The following MGAT4C variants were observed in gnomAD, a reference collection of about 807,000 sequenced individuals.
MGAT4C encodes MGAT4 family member C, also known as alpha-1,3-mannosyl-glycoprotein 4-beta-N-acetylglucosaminyltransferase C.
A neutral mutation model predicts 40.1 loss-of-function variants in MGAT4C; 19 were observed. The observed-to-expected ratio is 0.47, with a 90% confidence interval of 0.33 to 0.70. MGAT4C has a LOEUF of 0.70. Ranked by LOEUF, MGAT4C falls within the 30% of genes least tolerant of loss-of-function variation. The pLI is 0.02. For synonymous variants in MGAT4C, 181 were observed against 187.1 expected (o/e 0.97, Z 0.27); for missense variants, 491 against 563.2 (o/e 0.87, Z 1.30).
chr12:86,388,223 T>C (rs1956095306), intron 3 of MGAT4C, among the ~76,000 whole-genome samples: 1 of 152,120 alleles, frequency 6.6e-6, no homozygotes, highest in Non-Finnish European at 1.5e-5. Flanking sequence ...CAGTGTTATT[T>C]AGGAGTTTGT....
chr12:86,029,361 G>A (rs1284188236), intron 2 of MGAT4C, among the ~76,000 whole-genome samples: 2 of 151,896 alleles, frequency 1.3e-5, no homozygotes, highest in Non-Finnish European at 2.9e-5. Context: ...AAAGGTTGCT[G>A]ATAAAATACT....
At chr12:86,128,576 C>T (rs1401300266) in intron 1 of MGAT4C, among the ~76,000 whole-genome samples, 2 of 152,100 alleles carry the variant, frequency 1.3e-5, no homozygotes, top group Admixed American at 1.3e-4. Flanking sequence ...ATGTCTTTAT[C>T]ACCAGTGAGA....
chr12:86,651,581 A>T (rs1422017570), intron 2 of MGAT4C, among the ~76,000 whole-genome samples: 3 of 151,904 alleles, frequency 2.0e-5, no homozygotes, highest in Admixed American at 2.0e-4. Flanking sequence ...AAAAAATAAA[A>T]TTCTGCTATG....
intron 1 of MGAT4C, among the ~76,000 whole-genome samples, chr12:86,756,237 G>C (rs1000679291): frequency 6.6e-6 from 1 of 151,990 alleles, no homozygotes; most frequent in African/African-American, 2.4e-5. Flanking sequence ...TGTTCAAAAG[G>C]TTTTTCCTTG....
At chr12:86,633,902 A>G (rs964093128) in intron 2 of MGAT4C, among the ~76,000 whole-genome samples, 3 of 151,778 alleles carry the variant, frequency 2.0e-5, no homozygotes, top group African/African-American at 7.3e-5. Context: ...AAATTACTTT[A>G]TTTTGCTCGA....
At chr12:86,565,735 T>C (rs1382595981) in intron 2 of MGAT4C, among the ~76,000 whole-genome samples, 1 of 152,220 alleles carries the variant, frequency 6.6e-6, no homozygotes, top group East Asian at 1.9e-4. Flanking sequence ...TTGTATCCCA[T>C]GTGAGTGCTC....
chr12:86,656,801 A>G (rs1963861946), intron 2 of MGAT4C, among the ~76,000 whole-genome samples: 1 of 151,988 alleles, frequency 6.6e-6, no homozygotes, highest in Non-Finnish European at 1.5e-5. Flanking sequence ...GAAATCTGAT[A>G]CCTGAGAATT....
At chr12:86,757,904 G>A (rs1471690244) in intron 1 of MGAT4C, among the ~76,000 whole-genome samples, 1 of 152,042 alleles carries the variant, frequency 6.6e-6, no homozygotes, top group Non-Finnish European at 1.5e-5. Flanking sequence ...TCCTCTCTGG[G>A]TCACATCTGG....
chr12:86,387,487 T>C (rs1469335322), intron 3 of MGAT4C, among the ~76,000 whole-genome samples: 4 of 152,140 alleles, frequency 2.6e-5, no homozygotes, highest in Admixed American at 6.5e-5. Context: ...TATGGAAATA[T>C]ATATGCTTGG....
At chr12:86,601,716 T>C (rs1961789211) in intron 2 of MGAT4C, among the ~76,000 whole-genome samples, 1 of 152,084 alleles carries the variant, frequency 6.6e-6, no homozygotes, top group South Asian at 2.1e-4. Context: ...TCACACCCTT[T>C]GCCAGCGGCC....
chr12:85,967,511 T>C lies in MGAT4C; in HGVS notation c.*11778A>G, dbSNP rs973543839. Reference sequence around the variant, plus strand: ...AATTAGTTTTCCAGAAAATCTAATTTTATGCAGATAAAATCTGAAAATCAT... The same window carrying C: ...AATTAGTTTTCCAGAAAATCTAATTCTATGCAGATAAAATCTGAAAATCAT... On this transcript the variant is annotated 3_prime_UTR_variant, in exon 5 of 5. Coordinates refer to ENST00000611864, the MANE Select transcript of MGAT4C (RefSeq NM_001351288.2). 3.9e-5 allele frequency: 6 copies of C among 152,098 alleles called. No individual in the cohort carries two copies. Among genetic ancestry groups the C allele is most frequent in the African/African-American group, 1.4e-4 (6 of 41,446 alleles). The allele number at this position is 152,098 out of a possible 1,614,324, so 9.4% of individuals were successfully genotyped here.
At chr12:86,139,971 T>C (rs1698757) in intron 1 of MGAT4C, among the ~76,000 whole-genome samples, 121,769 of 152,170 alleles carry the variant, frequency 0.8, 49,296 homozygotes, top group East Asian at 1. Flanking sequence ...GGTTTCTCAA[T>C]GATCCTAAAA....
chr12:85,984,550 G>T (rs942028949), intron 3 of MGAT4C, among the ~76,000 whole-genome samples: 24 of 151,938 alleles, frequency 1.6e-4, no homozygotes, highest in African/African-American at 5.6e-4. Context: ...CCCACTAATT[G>T]CCCTTCTTTG....
intron 3 of MGAT4C, among the ~76,000 whole-genome samples, chr12:86,401,539 A>T (rs962625928): frequency 6.6e-6 from 1 of 152,116 alleles, no homozygotes; most frequent in East Asian, 1.9e-4. Flanking sequence ...AATTTTGTCA[A>T]ATTAGACAAA....
chr12:86,594,290 G>A (rs1237486287), intron 2 of MGAT4C, among the ~76,000 whole-genome samples: 2 of 152,084 alleles, frequency 1.3e-5, no homozygotes, highest in African/African-American at 2.4e-5. Flanking sequence ...TATCAGTCTG[G>A]AGTGCAATTT....
At chr12:86,483,092 A>G (rs1957962435) in intron 2 of MGAT4C, among the ~76,000 whole-genome samples, 1 of 152,190 alleles carries the variant, frequency 6.6e-6, no homozygotes, top group African/African-American at 2.4e-5. Context: ...GAGAAGTTCA[A>G]TATCGAGGAT....
intron 2 of MGAT4C, among the ~76,000 whole-genome samples, chr12:86,559,145 T>C (rs1331688488): frequency 1.3e-5 from 2 of 151,904 alleles, no homozygotes; most frequent in African/African-American, 4.8e-5. Context: ...TAGAATATAA[T>C]ACTGGAGCAC....
chr12:86,550,461 C>G (rs955716653), intron 2 of MGAT4C, among the ~76,000 whole-genome samples: 1 of 152,182 alleles, frequency 6.6e-6, no homozygotes, highest in African/African-American at 2.4e-5. Context: ...ACAATCTCCA[C>G]CCTTCATCTA....
At chr12:86,581,573 A>G (rs1270583575) in intron 2 of MGAT4C, among the ~76,000 whole-genome samples, 2 of 151,466 alleles carry the variant, frequency 1.3e-5, no homozygotes, top group African/African-American at 4.8e-5. Context: ...GTGAGTGAGT[A>G]GTCTTGGCCA....
Sources: allele counts gnomAD v4.1 joint callset (sites outside exome capture counted in the v4.1 genomes callset), GRCh38; gene constraint gnomAD v4.1.1; transcripts MANE v1.5; gene names NCBI Gene and HGNC (gene_info 2026-07-23, HGNC 2026-07-21).